Variants in CACNA2D2 observed in about 807,000 individuals in gnomAD.
CACNA2D2 encodes the protein voltage-dependent calcium channel subunit alpha-2/delta-2.
Under a neutral mutation model 166.4 loss-of-function variants are expected in CACNA2D2, and 48 were observed. The ratio of observed to expected loss-of-function variants is 0.29; its 90% CI spans 0.23 to 0.37. The LOEUF is 0.37. Ranked by LOEUF, CACNA2D2 falls within the 10% of genes least tolerant of loss-of-function variation. The probability of loss-of-function intolerance (pLI) is 1.00; values close to 1 mark genes in which losing one functional copy is unlikely to be tolerated. For missense variants in CACNA2D2, 1,122 were observed against 1,433.0 expected, an observed-to-expected ratio of 0.78 and a Z score of 3.50; for synonymous variants, 561 against 573.7, an observed-to-expected ratio of 0.98 and a Z score of 0.32.
At chr3:50,473,768 T>G (rs1300664710) in intron 2 of CACNA2D2, among the ~76,000 whole-genome samples, 1 of 152,140 alleles carries the variant, frequency 6.6e-6, no homozygotes, top group East Asian at 1.9e-4. Flanking sequence ...CCTCTAGAAC[T>G]CTACACCTCA....
At chr3:50,479,595 G>A (rs1454665318) in intron 1 of CACNA2D2, among the ~76,000 whole-genome samples, 1 of 152,208 alleles carries the variant, frequency 6.6e-6, no homozygotes, top group African/African-American at 2.4e-5. Context: ...CTATGCACCT[G>A]CACTGTTCCT....
At chr3:50,438,438 G>T (rs1384200109) in intron 2 of CACNA2D2, among the ~76,000 whole-genome samples, 1 of 152,176 alleles carries the variant, frequency 6.6e-6, no homozygotes, top group Non-Finnish European at 1.5e-5. Context: ...GGGCCGTGGG[G>T]GCTGATGCCT....
rs939435240 is a variant in CACNA2D2 at position 50,363,468 on chromosome 3, G to C, written c.*1198C>G. The C allele has an allele frequency of 1.5e-5, 2 of 132,640 alleles. No homozygotes were observed. Among genetic ancestry groups the C allele is most frequent in the African/African-American group, 5.5e-5 (2 of 36,112 alleles). 8.2% of individuals were successfully genotyped at this position (132,640 alleles called of 1,614,324 possible). Reference sequence around the variant, plus strand: ...GAAGAGCTGTGCCCAGTCCCCACCTGTGTGTGTGTGTGTGTGTGTGTGTTC... The same window carrying C: ...GAAGAGCTGTGCCCAGTCCCCACCTCTGTGTGTGTGTGTGTGTGTGTGTTC... On this transcript the variant is annotated 3_prime_UTR_variant, in exon 38 of 38. Transcript: ENST00000424201.
intron 3 of CACNA2D2, among the ~76,000 whole-genome samples, chr3:50,410,529 C>T (rs1706960751): frequency 6.6e-6 from 1 of 151,810 alleles, no homozygotes; most frequent in Non-Finnish European, 1.5e-5. Flanking sequence ...CAGCCTCAAC[C>T]CACACAAGGT....
At chr3:50,467,313 G>A (rs1157630341) in intron 2 of CACNA2D2, among the ~76,000 whole-genome samples, 1 of 152,188 alleles carries the variant, frequency 6.6e-6, no homozygotes. Flanking sequence ...GATGCCCCAT[G>A]CCTGCTACAT....
At chr3:50,409,260 C>T (rs1054292431) in intron 3 of CACNA2D2, among the ~76,000 whole-genome samples, 1 of 152,190 alleles carries the variant, frequency 6.6e-6, no homozygotes, top group Non-Finnish European at 1.5e-5. Flanking sequence ...TGAGGAAGGG[C>T]TGGAGGTAGA....
chr3:50,464,066 G>A (rs1709709673), intron 2 of CACNA2D2, among the ~76,000 whole-genome samples: 1 of 152,210 alleles, frequency 6.6e-6, no homozygotes, highest in African/African-American at 2.4e-5. Flanking sequence ...AGTACCCTGG[G>A]AGAACTCCCT....
chr3:50,475,213 C>A (rs1010633971), intron 2 of CACNA2D2, among the ~76,000 whole-genome samples: 1 of 152,160 alleles, frequency 6.6e-6, no homozygotes, highest in African/African-American at 2.4e-5. Context: ...CTGACCCTGG[C>A]CCTGACCAAC....
At chr3:50,483,124 C>T (rs1164795027) in intron 1 of CACNA2D2, among the ~76,000 whole-genome samples, 1 of 152,222 alleles carries the variant, frequency 6.6e-6, no homozygotes, top group Non-Finnish European at 1.5e-5. Flanking sequence ...AGCCACCTAC[C>T]ACTTCACAAG....
intron 2 of CACNA2D2, among the ~76,000 whole-genome samples, chr3:50,446,126 A>G (rs1416341018): frequency 6.6e-6 from 1 of 152,114 alleles, no homozygotes. Flanking sequence ...ATGAACTTCT[A>G]AGTTAAGTGT....
At chr3:50,455,059 G>A (rs1441623640) in intron 2 of CACNA2D2, among the ~76,000 whole-genome samples, 1 of 152,240 alleles carries the variant, frequency 6.6e-6, no homozygotes, top group East Asian at 1.9e-4. Context: ...GCCACTGCCA[G>A]TGAGGCTGAT....
rs188556110 is a variant in CACNA2D2 at position 50,378,808 on chromosome 3, G to A, written c.1339+107C>T. The A allele has an allele frequency of 1.3e-4, 172 of 1,331,462 alleles. 3 individuals carry two copies. In the Admixed American group the frequency reaches 2.4e-3, roughly 19 times the overall value. 82.5% of individuals were successfully genotyped at this position (1,331,462 alleles called of 1,614,324 possible). ...TGGATGGGAGGAGGCACACTGTCTTGCAGCGGGTGAACACACAGCTGGACA... is the reference window on the plus strand; with the variant it reads ...TGGATGGGAGGAGGCACACTGTCTTACAGCGGGTGAACACACAGCTGGACA... On this transcript the variant is annotated intron_variant, in intron 13 of 37. Coordinates refer to ENST00000424201, the MANE Select transcript of CACNA2D2 (RefSeq NM_006030.4).
At chr3:50,474,069 G>A (rs538976264) in intron 2 of CACNA2D2, among the ~76,000 whole-genome samples, 6 of 152,322 alleles carry the variant, frequency 3.9e-5, no homozygotes, top group Non-Finnish European at 7.3e-5. Flanking sequence ...ACCCTACCAA[G>A]AGGGGAAGTG....
chr3:50,436,281 C>G (rs1370263421), intron 2 of CACNA2D2, among the ~76,000 whole-genome samples: 4 of 152,196 alleles, frequency 2.6e-5, no homozygotes, highest in Non-Finnish European at 4.4e-5. Flanking sequence ...TTCTCCTGGC[C>G]TGGGATGAAG....
intron 2 of CACNA2D2, among the ~76,000 whole-genome samples, chr3:50,461,468 T>G (rs926443753): frequency 7.2e-5 from 11 of 151,934 alleles, no homozygotes; most frequent in African/African-American, 2.4e-4. Flanking sequence ...CTGGGCGTGG[T>G]GGCTCATGCC....
intron 3 of CACNA2D2, among the ~76,000 whole-genome samples, chr3:50,410,816 T>C (rs1031042096): frequency 1.3e-5 from 2 of 152,208 alleles, no homozygotes; most frequent in Admixed American, 6.5e-5. Flanking sequence ...GTTTCTTCCA[T>C]CTGACTTTGA....
At chr3:50,368,675 T>C (rs1704487871) in intron 23 of CACNA2D2, among the ~76,000 whole-genome samples, 1 of 152,342 alleles carries the variant, frequency 6.6e-6, no homozygotes, top group Non-Finnish European at 1.5e-5. Context: ...CCTGGCTGTG[T>C]GCCGTTAGGT....
chr3:50,482,697 T>C (rs6787890), intron 1 of CACNA2D2, among the ~76,000 whole-genome samples: 30,262 of 152,138 alleles, frequency 0.2, 4,044 homozygotes, highest in East Asian at 0.61. Context: ...CCTTAGACTG[T>C]GGCCTCCAGG....
chr3:50,409,479 C>G (rs547468708), intron 3 of CACNA2D2, among the ~76,000 whole-genome samples: 1 of 152,364 alleles, frequency 6.6e-6, no homozygotes, highest in African/African-American at 2.4e-5. Context: ...CCTGCAGAGC[C>G]CCTGTAGGAC....
Sources: allele counts gnomAD v4.1 joint callset (sites outside exome capture counted in the v4.1 genomes callset), GRCh38; gene constraint gnomAD v4.1.1; transcripts MANE v1.5; gene names NCBI Gene and HGNC (gene_info 2026-07-23, HGNC 2026-07-21).